Variants in BRICD5 observed in about 807,000 individuals in gnomAD.
BRICD5 encodes the protein BRICHOS domain-containing protein 5.
A neutral mutation model predicts 28.4 loss-of-function variants in BRICD5; 51 were observed. The ratio of observed to expected loss-of-function variants is 1.80; its 90% CI spans 1.43 to 2.27. The LOEUF (loss-of-function observed/expected upper bound fraction) is 2.27. Ranked by LOEUF, BRICD5 falls within the 30% of genes most tolerant of loss-of-function variation. The pLI, the probability that BRICD5 is intolerant of heterozygous loss-of-function variation, is 0.00. For missense variants in BRICD5, 456 were observed against 309.6 expected (o/e 1.47, Z -3.55); for synonymous variants, 177 against 130.2 (o/e 1.36, Z -2.44).
Position 2,209,931 on chromosome 16 carries a change from G to C in BRICD5, c.438+19C>G, listed in dbSNP as rs201280772. The C allele has an allele frequency of 4.7e-6, 7 of 1,501,436 alleles. No individual in the cohort carries two copies. The highest frequency in any genetic ancestry group is 6.2e-6 in the Non-Finnish European group (7 of 1,125,206). The allele number at this position is 1,501,436 out of a possible 1,614,324, so 93.0% of individuals were successfully genotyped here. ...TGTCTAGCCCCTGGCCCGGGCCTGC[G>C]CCCAGCAGGACGGCTCACCTTGGAG... On this transcript the variant is annotated intron_variant, in intron 4 of 5. Transcript: ENST00000328540.
intron 2 of BRICD5, 46 bp downstream of exon 2, chr16:2,210,476 T>C (rs1285904989): frequency 1.9e-6 from 3 of 1,557,626 alleles, no homozygotes; most frequent in Non-Finnish European, 2.6e-6. Context: ...CAGCTTCCCT[T>C]CTCCCTTTCC....
Position 2,210,143 on chromosome 16 carries a change from G to C in BRICD5, c.319C>G (p.Leu107Val), listed in dbSNP as rs781554509. The change falls in exon 3 of 6, where the codon CTG (leucine) becomes GTG (valine). Residue 107 changes from leucine (L) to valine (V), a missense_variant. Leu to Val is a conservative substitution (Grantham distance 32). Transcript: ENST00000328540. ...CCACTCACGCTCTGCCCGTCGAACA[G>C]CACCGCCCAGCTGTGGTTGCTCTGA... ...PPQSNHSWAV[L>V]FDGQSGCICY... The C allele has an allele frequency of 8.1e-6, 13 of 1,609,064 alleles. No homozygotes were observed. The highest frequency in any genetic ancestry group is 1.1e-5 in the Non-Finnish European group (13 of 1,178,784).
In BRICD5 at chr16:2,209,944, G is replaced by C. The variant is rs1454038463; in HGVS notation, c.438+6C>G. On this transcript the variant is annotated splice_donor_region_variant and intron_variant, in intron 4 of 5. Transcript: ENST00000328540. ...GCCCGGGCCTGCGCCCAGCAGGACG[G>C]CTCACCTTGGAGGTATCCACCAGCA... 1.3e-6 allele frequency: 2 copies of C among 1,516,370 alleles called. No homozygotes were observed. The highest frequency in any genetic ancestry group is 2.8e-5 in the African/African-American group (2 of 72,314). 93.9% of individuals were successfully genotyped at this position (1,516,370 alleles called of 1,614,324 possible).
In BRICD5 at chr16:2,209,273, A is replaced by C; in HGVS notation, c.*89T>G. 1.6e-6 allele frequency: 2 copies of C among 1,222,246 alleles called. No homozygotes were observed. The highest frequency in any genetic ancestry group is 2.7e-5 in the South Asian group (2 of 73,600). The allele number at this position is 1,222,246 out of a possible 1,614,324, so 75.7% of individuals were successfully genotyped here. A position where few individuals can be genotyped will look rare whatever the true frequency, so the allele number is the denominator to read the frequency against. ...CCATGGCCAGGTGGAAGGGTTTATTAGTCCCTGCCAGCAGCTGTCCTCCCT... is the reference window on the plus strand; with the variant it reads ...CCATGGCCAGGTGGAAGGGTTTATTCGTCCCTGCCAGCAGCTGTCCTCCCT... On this transcript the variant is annotated 3_prime_UTR_variant, in exon 6 of 6. Transcript: ENST00000328540.
chr16:2,209,273 A>T lies in BRICD5; in HGVS notation c.*89T>A. On this transcript the variant is annotated 3_prime_UTR_variant, in exon 6 of 6. Transcript: ENST00000328540. Reference sequence around the variant, plus strand: ...CCATGGCCAGGTGGAAGGGTTTATTAGTCCCTGCCAGCAGCTGTCCTCCCT... The same window carrying T: ...CCATGGCCAGGTGGAAGGGTTTATTTGTCCCTGCCAGCAGCTGTCCTCCCT... 8.2e-7 allele frequency: 1 copy of T among 1,222,244 alleles called. No individual in the cohort carries two copies. The highest frequency in any genetic ancestry group is 1.2e-6 in the Non-Finnish European group (1 of 851,746). The allele number at this position is 1,222,244 out of a possible 1,614,324, so 75.7% of individuals were successfully genotyped here.
At position 2,210,205 on chromosome 16, in the gene BRICD5, A is replaced by G. The variant is rs770135717; in HGVS notation, c.257T>C (p.Val86Ala). 1.9e-5 allele frequency: 31 copies of G among 1,591,004 alleles called. No homozygotes were observed. The East Asian group carries it at 6.6e-4, about 34-fold the overall frequency. ...TGTGATGGTCGCCGCGTTCCGGGCC[A>G]CGTCCACCAGGATGGTTTGGTTGGG... Reference protein sequence around the residue: ...PRPNQTILVDVARNAATITVT... With the variant: ...PRPNQTILVDAARNAATITVT... Residue 86 changes from valine to alanine, a missense_variant, in exon 3 of 6, where the codon GTG (valine) becomes GCG (alanine). Physicochemically the swap from Val to Ala is moderately conservative, Grantham distance 64. Transcript: ENST00000328540.
Position 2,209,959 on chromosome 16 carries a change from A to G in BRICD5, c.429T>C (p.Asp143=). 1 of 1,529,432 alleles carries G rather than the reference A, an allele frequency of 6.5e-7. No individual in the cohort carries two copies. Among genetic ancestry groups the G allele is most frequent in the Non-Finnish European group, 8.8e-7 (1 of 1,136,086 alleles). The allele number at this position is 1,529,432 out of a possible 1,614,324, so 94.7% of individuals were successfully genotyped here. The change falls in exon 4 of 6, where the codon GAT becomes GAC. Residue 143 remains aspartate (D), a synonymous_variant. Coordinates refer to ENST00000328540, the MANE Select transcript of BRICD5 (RefSeq NM_182563.4). ...CAGCAGGACGGCTCACCTTGGAGGT[A>G]TCCACCAGCAGCCGCAGGGTCTCCC... ...SDRETLRLLV[D]TSKVQEAWVP...
chr16:2,209,644 C>T lies in BRICD5; in HGVS notation c.501G>A (p.Gln167=), dbSNP rs759970968. 6.2e-6 allele frequency: 10 copies of T among 1,613,296 alleles called. No homozygotes were observed. The Admixed American group carries it at 8.3e-5, about 13-fold the overall frequency. The change falls in exon 5 of 6, where the codon CAG becomes CAA. Residue 167 remains glutamine, a synonymous_variant. Transcript: ENST00000328540. ...GGGCGGGGTCCACTTCGAGGCTCCC[C>T]TGCACTGCCAGCAGCTCCTGGGTGT... The part of the protein sequence containing the change: ...THHTQELLAV[Q]GSLEVDPAQA...
In BRICD5 at chr16:2,210,618, T is replaced by C. The variant is rs200110819; in HGVS notation, c.84A>G (p.Arg28=). 4.0e-5 allele frequency: 64 copies of C among 1,612,190 alleles called. No individual in the cohort carries two copies. Among genetic ancestry groups the C allele is most frequent in the Non-Finnish European group, 5.3e-5 (63 of 1,179,410 alleles). The change falls in exon 2 of 6, where the codon AGA becomes AGG. Residue 28 remains arginine, a synonymous_variant. Coordinates refer to ENST00000328540, the MANE Select transcript of BRICD5 (RefSeq NM_182563.4). ...VKTKPSCGGW[R]AVSLLLLLLL... ...GCAGCAGCAGGAGCAGGCTCACGGC[T>C]CTCCAGCCCCCGCAGGAGGGCTTGG...
Position 2,210,132 on chromosome 16 carries a change from C to T in BRICD5, c.330G>A (p.Gly110=), listed in dbSNP as rs1209132278. 6.2e-7 allele frequency: 1 copy of T among 1,608,656 alleles called. No individual in the cohort carries two copies. The highest frequency in any genetic ancestry group is 8.5e-7 in the Non-Finnish European group (1 of 1,178,484). The stretch of plus-strand genomic sequence containing the variant: ...CCCCTCCCTGCCCACTCACGCTCTG[C>T]CCGTCGAACAGCACCGCCCAGCTGT... ...SNHSWAVLFD[G]QSGCICYRPE... The change falls in exon 3 of 6, where the codon GGG becomes GGA. Residue 110 remains glycine, a synonymous_variant. Transcript: ENST00000328540.
In BRICD5 at chr16:2,210,859, C is replaced by G. The variant is rs752319778; in HGVS notation, c.-26G>C. ...CCTGCAGCCCCTGCTCACAATGTGC[C>G]GATTGTCTGCGTCCCTTGTCTGCAG... On this transcript the variant is annotated 5_prime_UTR_variant, in exon 1 of 6. Coordinates refer to ENST00000328540, the MANE Select transcript of BRICD5 (RefSeq NM_182563.4). 2 of 1,599,650 alleles carry G rather than the reference C, an allele frequency of 1.3e-6. No homozygotes were observed. Among genetic ancestry groups the G allele is most frequent in the Admixed American group, 1.7e-5 (1 of 59,982 alleles).
At position 2,210,546 on chromosome 16, in the gene BRICD5, A is replaced by G; in HGVS notation, c.156T>C (p.Leu52=). The G allele has an allele frequency of 6.2e-7, 1 of 1,612,266 alleles. No homozygotes were observed. Among genetic ancestry groups the G allele is most frequent in the Non-Finnish European group, 8.5e-7 (1 of 1,179,534 alleles). The change falls in exon 2 of 6, where the codon CTT becomes CTC. Residue 52 remains leucine (L), a synonymous_variant. Transcript: ENST00000328540. ...CCTTGGGAGGGCCCTGAGCAGAGCC[A>G]AGAAGCCCTCCAGCCACAACCCCCA... ...AAVGVVAGGL[L]GSAQGPPKPR...
intron 4 of BRICD5, 62 bp from the exon 5 acceptor site, chr16:2,209,768 G>A (rs1363477653): frequency 1.3e-6 from 2 of 1,507,038 alleles, no homozygotes; most frequent in Non-Finnish European, 1.8e-6. Context: ...GCTTGGCAGG[G>A]CCGGGTACCC....
rs200897869 is a variant in BRICD5, at chr16:2,209,474, T to G, written c.593-18A>C. ...CCGGGGCCCTGTGGCGAGGGTGCCGTGAATCTCCAAGGGCTCCGCCCCCAG... is the reference window on the plus strand; with the variant it reads ...CCGGGGCCCTGTGGCGAGGGTGCCGGGAATCTCCAAGGGCTCCGCCCCCAG... On this transcript the variant is annotated intron_variant, in intron 5 of 5. Transcript: ENST00000328540. 2 of 1,613,356 alleles carry G rather than the reference T, an allele frequency of 1.2e-6. No individual in the cohort carries two copies. The highest frequency in any genetic ancestry group is 4.5e-5 in the East Asian group (2 of 44,880).
chr16:2,210,391 G>A (rs2093368451), intron 2 of BRICD5, 110 bp from the exon 3 acceptor site: 1 of 1,533,554 alleles, frequency 6.5e-7, no homozygotes, highest in South Asian at 1.3e-5. Flanking sequence ...CCACCCCTTG[G>A]TCCTCTGGCT....
chr16:2,210,157 TG>T lies in BRICD5; in HGVS notation c.304del (p.His102ThrfsTer28). On this transcript the variant is annotated frameshift_variant, in exon 3 of 6. Coordinates refer to ENST00000328540, the MANE Select transcript of BRICD5 (RefSeq NM_182563.4). LOFTEE classifies it high-confidence loss of function. ...CCCGTCGAACAGCACCGCCCAGCTG[TG>T]GTTGCTCTGAGGTGGGGTCACTGTG... ...TITVTPPQSN[H>X]SWAVLFDGQS... 6.2e-7 allele frequency: 1 copy of T among 1,608,818 alleles called. No homozygotes were observed. The highest frequency in any genetic ancestry group is 1.1e-5 in the South Asian group (1 of 90,408).
Position 2,209,578 on chromosome 16 carries a change from G to A in BRICD5, c.567C>T (p.Pro189=). 6.2e-7 allele frequency: 1 copy of A among 1,612,158 alleles called. No homozygotes were observed. The highest frequency in any genetic ancestry group is 8.5e-7 in the Non-Finnish European group (1 of 1,179,952). ...ALVQRLCMRT[P]IYWARRAEGP... is the part of the protein sequence containing the mutation. The stretch of plus-strand genomic sequence containing the variant: ...CCTCTGCTCGCCGGGCCCAGTAGAT[G>A]GGGGTCCTCATGCACAGGCGCTGCA... The change falls in exon 5 of 6, where the codon CCC becomes CCT. Residue 189 remains proline (P), a synonymous_variant. Coordinates refer to ENST00000328540, the MANE Select transcript of BRICD5 (RefSeq NM_182563.4).
intron 4 of BRICD5, 108 bp downstream of exon 4, chr16:2,209,833 GGCGGAGAGA>G: frequency 7.2e-7 from 1 of 1,387,094 alleles, no homozygotes; most frequent in Non-Finnish European, 9.7e-7. Context: ...CTGGGCTTAG[GGCGGAGAGA>G]GCTTCCTGTT....
At chr16:2,210,709 C>T in intron 1 of BRICD5, 59 bp from the exon 2 acceptor site, 2 of 1,609,836 alleles carry the variant, frequency 1.2e-6, no homozygotes, top group South Asian at 1.1e-5. Context: ...AGCAAGTGGG[C>T]TGGGGAAGGG....
Sources: gnomAD v4.1 joint callset for allele counts on GRCh38, gnomAD v4.1.1 for gene constraint, MANE v1.5 for transcripts, NCBI Gene and HGNC (gene_info 2026-07-23, HGNC 2026-07-21) for gene names.